Variants in GRM7 observed in about 807,000 individuals in gnomAD.
GRM7 encodes the protein glutamate metabotropic receptor 7, also known as metabotropic glutamate receptor 7.
GRM7 carries 35 observed loss-of-function variants against 84.5 expected under a neutral mutation model. The observed-to-expected ratio is 0.41, with a 90% CI of 0.32 to 0.55. The LOEUF (loss-of-function observed/expected upper bound fraction) is 0.55, where lower values mean the gene tolerates loss of function less well. Among genes scored for constraint, GRM7 ranks in the 20% least tolerant of loss-of-function variants. The pLI is 0.19. For synonymous variants in GRM7, 487 were observed against 455.1 expected (o/e 1.07, Z -0.89); for missense variants, 1,003 against 1,194.6 (o/e 0.84, Z 2.36).
chr3:7,289,030 C>T (rs1242539190), intron 2 of GRM7, among the ~76,000 whole-genome samples: 1 of 152,120 alleles, frequency 6.6e-6, no homozygotes, highest in African/African-American at 2.4e-5. Flanking sequence ...GAAATGAGAA[C>T]CGTCACTTGT....
chr3:7,113,939 TTAAG>T (rs1413538954), intron 1 of GRM7, among the ~76,000 whole-genome samples: 1 of 152,168 alleles, frequency 6.6e-6, no homozygotes, highest in Admixed American at 6.5e-5. Flanking sequence ...ATTTTGTAGA[TTAAG>T]TAAGTTTTCA....
At chr3:7,664,915 C>T (rs1699620129) in intron 8 of GRM7, among the ~76,000 whole-genome samples, 1 of 152,178 alleles carries the variant, frequency 6.6e-6, no homozygotes, top group Admixed American at 6.5e-5. Context: ...AACCACACAT[C>T]AGCAGAATCA....
intron 8 of GRM7, among the ~76,000 whole-genome samples, chr3:7,608,796 A>G (rs1382100326): frequency 1.3e-5 from 2 of 152,070 alleles, no homozygotes; most frequent in African/African-American, 4.8e-5. Context: ...GCCAGTTCCT[A>G]TGTCCGGGAT....
At chr3:7,260,924 T>C (rs1261677060) in intron 2 of GRM7, among the ~76,000 whole-genome samples, 2 of 152,340 alleles carry the variant, frequency 1.3e-5, no homozygotes, top group Non-Finnish European at 2.9e-5. Flanking sequence ...TGTATCTTTG[T>C]TCTCATTAGT....
intron 1 of GRM7, among the ~76,000 whole-genome samples, chr3:6,951,870 G>T (rs777882062): frequency 7.9e-5 from 12 of 152,028 alleles, no homozygotes; most frequent in Non-Finnish European, 1.8e-4. Context: ...ATATTTTGTA[G>T]CTCTGTTTTT....
intron 5 of GRM7, among the ~76,000 whole-genome samples, chr3:7,426,309 G>A (rs1326214580): frequency 1.3e-5 from 2 of 151,980 alleles, no homozygotes; most frequent in Non-Finnish European, 2.9e-5. Flanking sequence ...AGTAGAGACA[G>A]GGTTTCTCTA....
intron 4 of GRM7, among the ~76,000 whole-genome samples, chr3:7,320,824 C>T (rs571074618): frequency 2.0e-4 from 30 of 151,580 alleles, no homozygotes; most frequent in South Asian, 8.4e-4. Context: ...GCAAATATAC[C>T]GTGATGTATT....
At chr3:6,875,177 T>A (rs1004162616) in intron 1 of GRM7, among the ~76,000 whole-genome samples, 8 of 152,180 alleles carry the variant, frequency 5.3e-5, no homozygotes, top group African/African-American at 9.7e-5. Flanking sequence ...ACTAAAATTG[T>A]AGCTATTTTT....
At chr3:7,629,667 T>A (rs1697780743) in intron 8 of GRM7, among the ~76,000 whole-genome samples, 1 of 152,180 alleles carries the variant, frequency 6.6e-6, no homozygotes, top group Non-Finnish European at 1.5e-5. Flanking sequence ...CTTTAAGAAC[T>A]GCCTTACGCT....
At chr3:6,864,014 G>C (rs1694854950) in intron 1 of GRM7, among the ~76,000 whole-genome samples, 1 of 152,164 alleles carries the variant, frequency 6.6e-6, no homozygotes, top group South Asian at 2.1e-4. Context: ...GTGAAAAAAG[G>C]GGTGGGGGGC....
chr3:7,724,846 T>C, intron 9 of GRM7, among the ~76,000 whole-genome samples: 1 of 152,212 alleles, frequency 6.6e-6, no homozygotes, highest in South Asian at 2.1e-4. Context: ...CACTGCAGCC[T>C]TGAATCCCTG....
In GRM7 at chr3:7,295,929, G is replaced by A. The variant is rs1477222871; in HGVS notation, c.737-2755G>A. On this transcript the variant is annotated intron_variant, in intron 2 of 9. Coordinates refer to ENST00000357716, the MANE Select transcript of GRM7 (RefSeq NM_000844.4). ...CTTTTCCCCTCCTCATTTTGGCAAG[G>A]GTTTATAGTACAGTATTGAACAGGA... Among the ~76,000 whole-genome samples, 4 of 151,854 alleles carry A rather than the reference G, an allele frequency of 2.6e-5. No individual in the cohort carries two copies. The East Asian group carries it at 7.7e-4, about 29-fold the overall frequency.
chr3:6,918,666 T>C (rs1239142499), intron 1 of GRM7, among the ~76,000 whole-genome samples: 1 of 152,068 alleles, frequency 6.6e-6, no homozygotes, highest in Non-Finnish European at 1.5e-5. Context: ...TTCCCTAGAG[T>C]GCCAGAAACA....
At chr3:7,164,257 G>A (rs1342931221) in intron 2 of GRM7, among the ~76,000 whole-genome samples, 1 of 152,154 alleles carries the variant, frequency 6.6e-6, no homozygotes, top group African/African-American at 2.4e-5. Context: ...TACTTGGGAG[G>A]CTGAGGCAGG....
At chr3:7,730,536 G>C (rs1335260040) in intron 9 of GRM7, among the ~76,000 whole-genome samples, 1 of 152,194 alleles carries the variant, frequency 6.6e-6, no homozygotes, top group African/African-American at 2.4e-5. Flanking sequence ...CTGGTTTATA[G>C]CCAGGCTATA....
At chr3:7,434,995 G>A (rs963138000) in intron 5 of GRM7, among the ~76,000 whole-genome samples, 27 of 152,050 alleles carry the variant, frequency 1.8e-4, no homozygotes, top group African/African-American at 5.3e-4. Flanking sequence ...GACATTCAGA[G>A]TATATATTAG....
intron 1 of GRM7, among the ~76,000 whole-genome samples, chr3:7,133,553 A>C (rs1163647209): frequency 6.6e-6 from 1 of 152,218 alleles, no homozygotes; most frequent in Non-Finnish European, 1.5e-5. Flanking sequence ...ATCCTGCTCT[A>C]CAGAGATTTG....
intron 1 of GRM7, among the ~76,000 whole-genome samples, chr3:7,001,027 C>A (rs1292942223): frequency 6.6e-6 from 1 of 152,174 alleles, no homozygotes; most frequent in Non-Finnish European, 1.5e-5. Context: ...GTGTAATTAG[C>A]CTTTTGCTGA....
intron 1 of GRM7, among the ~76,000 whole-genome samples, chr3:6,938,405 C>G (rs1274970343): frequency 6.6e-6 from 1 of 152,160 alleles, no homozygotes; most frequent in East Asian, 1.9e-4. Flanking sequence ...GCTGTAACTC[C>G]ACTGCTCTGT....
Sources: allele counts gnomAD v4.1 joint callset (sites outside exome capture counted in the v4.1 genomes callset), GRCh38; gene constraint gnomAD v4.1.1; transcripts MANE v1.5; gene names NCBI Gene and HGNC (gene_info 2026-07-23, HGNC 2026-07-21).